FBXL20: variants seen among roughly 807,000 people sequenced by gnomAD.
FBXL20 encodes F-box/LRR-repeat protein 20.
Under a neutral mutation model 64.0 loss-of-function variants are expected in FBXL20, and 11 were observed. The ratio of observed to expected loss-of-function variants is 0.17; its 90% CI spans 0.11 to 0.28. FBXL20 has a LOEUF of 0.28. Among genes scored for constraint, FBXL20 ranks in the 10% least tolerant of loss-of-function variants. The probability of loss-of-function intolerance (pLI) is 1.00; values close to 1 mark genes in which losing one functional copy is unlikely to be tolerated. For synonymous variants in FBXL20, 184 were observed against 189.0 expected, an observed-to-expected ratio of 0.97 and a Z score of 0.22; for missense variants, 303 against 526.2, an observed-to-expected ratio of 0.58 and a Z score of 4.15.
chr17:39,356,697 C>A (rs968412790), intron 1 of FBXL20, among the ~76,000 whole-genome samples: 1 of 151,806 alleles, frequency 6.6e-6, no homozygotes, highest in African/African-American at 2.4e-5. Context: ...ACTCTGTCAC[C>A]CAGGGTGGAG....
intron 1 of FBXL20, among the ~76,000 whole-genome samples, chr17:39,373,007 CTTT>C (rs796497307): frequency 6.9e-6 from 1 of 145,640 alleles, no homozygotes; most frequent in East Asian, 2.0e-4. Flanking sequence ...TTTTTCTTTT[CTTT>C]TTTTTTTTAA....
At chr17:39,292,124 T>A (rs974272640) in intron 6 of FBXL20, among the ~76,000 whole-genome samples, 1 of 150,802 alleles carries the variant, frequency 6.6e-6, no homozygotes, top group East Asian at 1.9e-4. Context: ...ATGTCAATTA[T>A]ATCAAGTTCA....
intron 2 of FBXL20, among the ~76,000 whole-genome samples, chr17:39,309,847 G>C (rs560353275): frequency 5.3e-5 from 8 of 149,792 alleles, no homozygotes; most frequent in South Asian, 4.3e-4. Context: ...AAAAGAAGAA[G>C]AACAAGAAAA....
Position 39,252,973 on chromosome 17 carries a change from G to T in FBXL20, c.*8487C>A, listed in dbSNP as rs1567849643. The T allele has an allele frequency of 6.6e-6, 1 of 152,242 alleles. No homozygotes were observed. The allele number at this position is 152,242 out of a possible 1,614,324, so 9.4% of individuals were successfully genotyped here. ...TGTGTCGGCTCCAGAGATTGGCTAA[G>T]CATTTGGAGCAGGCCTAGTGGAGAA... On this transcript the variant is annotated 3_prime_UTR_variant, in exon 15 of 15. Transcript: ENST00000264658.
intron 1 of FBXL20, among the ~76,000 whole-genome samples, chr17:39,396,319 G>A (rs1393132825): frequency 2.6e-5 from 4 of 152,262 alleles, no homozygotes; most frequent in Non-Finnish European, 2.9e-5. Context: ...GACCAGGCCG[G>A]GTGTCGTGGC....
chr17:39,346,010 T>C (rs1418915144), intron 1 of FBXL20, among the ~76,000 whole-genome samples: 1 of 151,884 alleles, frequency 6.6e-6, no homozygotes. Context: ...ATCCTGTCTC[T>C]ACAAAAAACA....
chr17:39,388,719 C>T (rs1427984337), intron 1 of FBXL20, among the ~76,000 whole-genome samples: 1 of 150,806 alleles, frequency 6.6e-6, no homozygotes, highest in African/African-American at 2.4e-5. Flanking sequence ...CTTGACCTCG[C>T]GATCCACCCA....
At chr17:39,273,606 T>C (rs1019762170) in intron 10 of FBXL20, among the ~76,000 whole-genome samples, 1 of 151,860 alleles carries the variant, frequency 6.6e-6, no homozygotes, top group East Asian at 2.0e-4. Context: ...GGTGGGCAGA[T>C]CATGAGGTCA....
chr17:39,296,342 C>A (rs550104776), intron 6 of FBXL20, among the ~76,000 whole-genome samples: 2 of 151,864 alleles, frequency 1.3e-5, no homozygotes. Context: ...GGGCGGATCA[C>A]GAGGTCAGGA....
chr17:39,395,431 A>C (rs1323624151), intron 1 of FBXL20, among the ~76,000 whole-genome samples: 1 of 152,228 alleles, frequency 6.6e-6, no homozygotes, highest in Non-Finnish European at 1.5e-5. Context: ...CTCAAAAATA[A>C]ATAAATAAAA....
At position 39,384,169 on chromosome 17, in the gene FBXL20, G is replaced by A. The variant is rs146323993; in HGVS notation, c.42+17192C>T. 5.9e-3 allele frequency among the ~76,000 whole-genome samples: 903 copies of A among 152,210 alleles called. 7 individuals are homozygous for A. The highest frequency in any genetic ancestry group is 0.02 in the African/African-American group (820 of 41,546). ...AGATCACTAGGGCCCAGGAAGTCAA[G>A]GCTGCAGTGAGCTGTGATCATACTC... On this transcript the variant is annotated intron_variant, in intron 1 of 14. Transcript: ENST00000264658.
intron 7 of FBXL20, 55 bp from the exon 8 acceptor site, chr17:39,282,910 C>T (rs986214204): frequency 3.1e-6 from 5 of 1,596,732 alleles, no homozygotes; most frequent in African/African-American, 1.3e-5. Flanking sequence ...TCCAAAAACA[C>T]CAACGTCTCA....
At chr17:39,275,133 T>C in intron 9 of FBXL20, 33 bp from the exon 10 acceptor site, 1 of 1,580,922 alleles carries the variant, frequency 6.3e-7, no homozygotes, top group Non-Finnish European at 8.6e-7. Context: ...TCCATAGATA[T>C]TAGTATCTTA....
chr17:39,354,179 C>T (rs917370690), intron 1 of FBXL20, among the ~76,000 whole-genome samples: 3 of 152,098 alleles, frequency 2.0e-5, no homozygotes, highest in African/African-American at 7.2e-5. Flanking sequence ...AATAAAGTTG[C>T]AGTTTATAAT....
chr17:39,357,329 TA>T (rs1396741678), intron 1 of FBXL20, among the ~76,000 whole-genome samples: 2 of 151,850 alleles, frequency 1.3e-5, no homozygotes, highest in Admixed American at 1.3e-4. Context: ...TTTAGTACCT[TA>T]ATCAAATATC....
At chr17:39,333,172 T>C (rs2047480126) in intron 2 of FBXL20, among the ~76,000 whole-genome samples, 1 of 151,856 alleles carries the variant, frequency 6.6e-6, no homozygotes, top group Admixed American at 6.6e-5. Flanking sequence ...TCTCCCTCTT[T>C]GCACGGTCTC....
At chr17:39,292,216 C>G (rs2047045819) in intron 6 of FBXL20, among the ~76,000 whole-genome samples, 1 of 150,474 alleles carries the variant, frequency 6.6e-6, no homozygotes, top group Admixed American at 6.6e-5. Context: ...TATTTAATAC[C>G]TTTTTTTCAT....
At chr17:39,366,910 G>A (rs1352203770) in intron 1 of FBXL20, among the ~76,000 whole-genome samples, 1 of 146,444 alleles carries the variant, frequency 6.8e-6, no homozygotes, top group Non-Finnish European at 1.5e-5. Context: ...CTGAGATGGA[G>A]CCTCGCTCTG....
intron 1 of FBXL20, among the ~76,000 whole-genome samples, chr17:39,360,716 G>A (rs1314449245): frequency 6.6e-6 from 1 of 152,132 alleles, no homozygotes; most frequent in African/African-American, 2.4e-5. Flanking sequence ...CTTCCCGAAC[G>A]CTGGCCTTGC....
Sources: allele counts gnomAD v4.1 joint callset (sites outside exome capture counted in the v4.1 genomes callset), GRCh38; gene constraint gnomAD v4.1.1; transcripts MANE v1.5; gene names NCBI Gene and HGNC (gene_info 2026-07-23, HGNC 2026-07-21).